SHANK2: variants seen among roughly 807,000 people sequenced by gnomAD.
The protein encoded by SHANK2 is SH3 and multiple ankyrin repeat domains protein 2.
A neutral mutation model predicts 133.7 loss-of-function variants in SHANK2; 43 were observed. The observed-to-expected ratio is 0.32, with a 90% confidence interval of 0.25 to 0.41. The LOEUF (loss-of-function observed/expected upper bound fraction) is 0.41, where lower values mean the gene tolerates loss of function less well. Ranked by LOEUF, SHANK2 falls within the 10% of genes least tolerant of loss-of-function variation. The probability of loss-of-function intolerance (pLI) is 1.00; values close to 1 mark genes in which losing one functional copy is unlikely to be tolerated. For missense variants in SHANK2, 1,994 were observed against 2,235.8 expected (o/e 0.89, Z 2.18); for synonymous variants, 1,017 against 952.8 (o/e 1.07, Z -1.24).
At chr11:70,596,594 G>A (rs1378885845) in intron 17 of SHANK2, among the ~76,000 whole-genome samples, 7 of 152,252 alleles carry the variant, frequency 4.6e-5, no homozygotes, top group African/African-American at 1.4e-4. Flanking sequence ...GATGCGGGGG[G>A]GCGGCAGGCC....
rs1459574262 is a variant in SHANK2 at position 71,210,234 on chromosome 11, ATATATATATATATATATATT to A, written c.-13+14443_-13+14462del. Among the ~76,000 whole-genome samples, 88 of 100,536 alleles carry A rather than the reference ATATATATATATATATATATT, an allele frequency of 8.8e-4. 1 individual carries two copies. The highest frequency in any genetic ancestry group is 4.1e-3 in the African/African-American group (79 of 19,344). 66.0% of individuals were successfully genotyped at this position (100,536 alleles called of 152,430 possible). A position where few individuals can be genotyped will look rare whatever the true frequency, so the allele number is the denominator to read the frequency against. On this transcript the variant is annotated intron_variant, in intron 2 of 25. Transcript: ENST00000601538. The stretch of plus-strand genomic sequence containing the variant: ...GGTATATATATATATATATATATAT[ATATATATATATATATATATT>A]TATTTATTTTTTGAAACAGAGTCTC...
At chr11:71,107,794 T>G (rs1951823420) in intron 6 of SHANK2, among the ~76,000 whole-genome samples, 1 of 152,174 alleles carries the variant, frequency 6.6e-6, no homozygotes. Flanking sequence ...TCTCAGAACC[T>G]TAAAGTCGAG....
intron 5 of SHANK2, among the ~76,000 whole-genome samples, chr11:71,112,953 CG>C (rs1565458363): frequency 6.6e-6 from 1 of 152,212 alleles, no homozygotes; most frequent in African/African-American, 2.4e-5. Context: ...AACACTAATA[CG>C]GGGCTCACTG....
chr11:70,800,774 G>A (rs1014445382), intron 13 of SHANK2, among the ~76,000 whole-genome samples: 1 of 152,172 alleles, frequency 6.6e-6, no homozygotes, highest in African/African-American at 2.4e-5. Flanking sequence ...GCAGAACCCT[G>A]GACCTGAGAG....
chr11:70,839,290 G>A (rs575008192), intron 11 of SHANK2, among the ~76,000 whole-genome samples: 98 of 152,328 alleles, frequency 6.4e-4, no homozygotes, highest in Non-Finnish European at 8.7e-4. Flanking sequence ...AGGTGTCTTG[G>A]TTGCTTTATT....
At chr11:71,253,144 A>AG (rs1948217286), upstream of SHANK2, among the ~76,000 whole-genome samples, 2 of 150,552 alleles carry the variant, frequency 1.3e-5, no homozygotes, top group South Asian at 4.3e-4. Flanking sequence ...AAGAAAAGCC[A>AG]GGGGGTGGGG....
At chr11:70,710,130 G>A (rs1945749047) in intron 14 of SHANK2, among the ~76,000 whole-genome samples, 2 of 152,148 alleles carry the variant, frequency 1.3e-5, no homozygotes, top group African/African-American at 2.4e-5. Context: ...TGAGATGAAC[G>A]CGATTTTAGG....
chr11:70,716,070 C>T (rs1220197571), intron 14 of SHANK2, among the ~76,000 whole-genome samples: 4 of 152,188 alleles, frequency 2.6e-5, no homozygotes, highest in Admixed American at 6.5e-5. Context: ...GGCTCTGCCC[C>T]CCATGCCTGC....
chr11:71,070,142 C>T (rs1951124471), intron 9 of SHANK2, among the ~76,000 whole-genome samples: 1 of 152,178 alleles, frequency 6.6e-6, no homozygotes, highest in Non-Finnish European at 1.5e-5. Flanking sequence ...AAGATGCAGA[C>T]ATGAAGCTGT....
Position 70,584,762 on chromosome 11 carries a change from T to C in SHANK2, c.2061+75066A>G, listed in dbSNP as rs1415750040. Among the ~76,000 whole-genome samples, 3 of 152,186 alleles carry C rather than the reference T, an allele frequency of 2.0e-5. No individual in the cohort carries two copies. The East Asian group carries it at 5.8e-4, about 29-fold the overall frequency. ...CCCCTACCTCCTGGGAAGAGTGAGT[T>C]AGCAGCTGTCCCCCTGATCCGTTGG... On this transcript the variant is annotated intron_variant, in intron 17 of 25. Coordinates refer to ENST00000601538, the MANE Select transcript of SHANK2 (RefSeq NM_012309.5).
rs570841346 is a variant in SHANK2 at position 70,878,245 on chromosome 11, A to C, written c.1174+18256T>G. 2.2e-4 allele frequency among the ~76,000 whole-genome samples: 34 copies of C among 152,302 alleles called. No individual in the cohort carries two copies. The South Asian group carries it at 7.1e-3, about 32-fold the overall frequency. On this transcript the variant is annotated intron_variant, in intron 11 of 25. Coordinates refer to ENST00000601538, the MANE Select transcript of SHANK2 (RefSeq NM_012309.5). Reference sequence around the variant, plus strand: ...CTGGGATGCAGATGAATATTCATGGAGAACTGGGAATTGGGAGTTGATGAC... The same window carrying C: ...CTGGGATGCAGATGAATATTCATGGCGAACTGGGAATTGGGAGTTGATGAC...
chr11:70,694,944 T>A (rs1945361424), intron 15 of SHANK2, among the ~76,000 whole-genome samples: 1 of 152,166 alleles, frequency 6.6e-6, no homozygotes. Context: ...GCTAATAGGT[T>A]CACAGTCTAG....
chr11:71,211,700 C>G (rs2135691515), intron 2 of SHANK2, among the ~76,000 whole-genome samples: 1 of 151,904 alleles, frequency 6.6e-6, no homozygotes, highest in Non-Finnish European at 1.5e-5. Context: ...CAAGCTCCCC[C>G]ATCCTCTCCC....
chr11:70,840,553 C>T (rs1433495059), intron 11 of SHANK2, among the ~76,000 whole-genome samples: 2 of 152,248 alleles, frequency 1.3e-5, no homozygotes, highest in African/African-American at 4.8e-5. Flanking sequence ...GGGGCATTAA[C>T]TGACACAAAA....
chr11:70,679,620 A>C (rs1157491336), intron 15 of SHANK2, among the ~76,000 whole-genome samples: 1 of 152,234 alleles, frequency 6.6e-6, no homozygotes, highest in African/African-American at 2.4e-5. Context: ...CCTGCCGAGG[A>C]ACAGAGGGCA....
chr11:70,638,447 C>A (rs1421573546), intron 17 of SHANK2, among the ~76,000 whole-genome samples: 2 of 152,210 alleles, frequency 1.3e-5, no homozygotes, highest in Non-Finnish European at 2.9e-5. Flanking sequence ...CGGCGCCCTG[C>A]TGATGACCTT....
intron 12 of SHANK2, among the ~76,000 whole-genome samples, chr11:70,814,585 A>G (rs1162742938): frequency 6.6e-6 from 1 of 152,212 alleles, no homozygotes; most frequent in African/African-American, 2.4e-5. Context: ...CTCAGTTCCC[A>G]TGCCAGTTTC....
intron 11 of SHANK2, among the ~76,000 whole-genome samples, chr11:70,844,843 T>C (rs1257020814): frequency 6.6e-6 from 1 of 152,128 alleles, no homozygotes; most frequent in African/African-American, 2.4e-5. Flanking sequence ...GTCTGGCCAA[T>C]TGCTTTCACC....
At chr11:70,638,266 T>C (rs570521347) in intron 17 of SHANK2, among the ~76,000 whole-genome samples, 1 of 152,292 alleles carries the variant, frequency 6.6e-6, no homozygotes. Context: ...TGCCAGGATA[T>C]GAAACCCAAA....
Sources: gnomAD v4.1 joint callset for allele counts (sites outside exome capture counted in the v4.1 genomes callset) on GRCh38, gnomAD v4.1.1 for gene constraint, MANE v1.5 for transcripts, NCBI Gene and HGNC (gene_info 2026-07-23, HGNC 2026-07-21) for gene names.